The following PTPRT variants were observed in gnomAD, a reference collection of about 807,000 sequenced individuals.
PTPRT encodes the protein protein tyrosine phosphatase receptor type T, also known as receptor-type tyrosine-protein phosphatase T.
PTPRT carries 56 observed loss-of-function variants against 176.8 expected under a neutral mutation model. The ratio of observed to expected loss-of-function variants is 0.32; its 90% CI spans 0.26 to 0.40. PTPRT has a LOEUF of 0.40. Ranked by LOEUF, PTPRT falls within the 10% of genes least tolerant of loss-of-function variation. PTPRT has a pLI of 1.00. For synonymous variants in PTPRT, 783 were observed against 739.0 expected, an observed-to-expected ratio of 1.06 and a Z score of -0.96; for missense variants, 1,540 against 1,908.2, an observed-to-expected ratio of 0.81 and a Z score of 3.60.
intron 2 of PTPRT, among the ~76,000 whole-genome samples, chr20:42,860,070 C>T (rs2078635556): frequency 6.6e-6 from 1 of 152,134 alleles, no homozygotes; most frequent in Non-Finnish European, 1.5e-5. Flanking sequence ...AACTGAAATG[C>T]ACTGCATTTA....
At chr20:42,361,494 G>A (rs1249226248) in intron 9 of PTPRT, among the ~76,000 whole-genome samples, 5 of 152,106 alleles carry the variant, frequency 3.3e-5, no homozygotes, top group Non-Finnish European at 5.9e-5. Flanking sequence ...TCTAAGATTA[G>A]GTCATGAAGG....
intron 1 of PTPRT, among the ~76,000 whole-genome samples, chr20:43,124,585 A>G (rs1337065956): frequency 6.6e-6 from 1 of 152,234 alleles, no homozygotes; most frequent in Non-Finnish European, 1.5e-5. Flanking sequence ...TCACCTGCAC[A>G]TAAAACCTCA....
At chr20:42,338,409 T>C (rs1012927847) in intron 11 of PTPRT, among the ~76,000 whole-genome samples, 16 of 152,332 alleles carry the variant, frequency 1.1e-4, no homozygotes, top group African/African-American at 2.2e-4. Flanking sequence ...ATGGCTGTTG[T>C]AGACCATGTG....
chr20:42,440,474 T>C (rs866127625), intron 9 of PTPRT, among the ~76,000 whole-genome samples: 8 of 151,574 alleles, frequency 5.3e-5, no homozygotes, highest in African/African-American at 1.9e-4. Flanking sequence ...ATATTAGTTG[T>C]TTCTTTCTTT....
At chr20:42,333,484 C>G (rs1182786817) in intron 11 of PTPRT, among the ~76,000 whole-genome samples, 1 of 151,934 alleles carries the variant, frequency 6.6e-6, no homozygotes, top group African/African-American at 2.4e-5. Context: ...GGCACAGGTG[C>G]CACCATGCCC....
At chr20:42,250,872 G>A (rs1037343320) in intron 13 of PTPRT, among the ~76,000 whole-genome samples, 1 of 152,158 alleles carries the variant, frequency 6.6e-6, no homozygotes. Context: ...ACAAGCTAAT[G>A]GCAAAACCAA....
At chr20:43,141,877 G>A (rs1454009127) in intron 1 of PTPRT, among the ~76,000 whole-genome samples, 1 of 152,160 alleles carries the variant, frequency 6.6e-6, no homozygotes, top group Non-Finnish European at 1.5e-5. Flanking sequence ...AGTATCCACA[G>A]AACCATTCCA....
intron 7 of PTPRT, among the ~76,000 whole-genome samples, chr20:42,553,578 CT>C (rs1350113404): frequency 6.6e-6 from 1 of 152,100 alleles, no homozygotes; most frequent in African/African-American, 2.4e-5. Context: ...TACATTCTCT[CT>C]CTTGCACTTT....
chr20:42,588,478 A>G lies in PTPRT; in HGVS notation c.1153+89388T>C, dbSNP rs139424499. ...AAAGCAAATAAATCAACCAACCAGA[A>G]AAATGAAATGTGGCTGGTGCAAACT... On this transcript the variant is annotated intron_variant, in intron 7 of 30. Transcript: ENST00000373187. Among the ~76,000 whole-genome samples, 33 of 152,202 alleles carry G rather than the reference A, an allele frequency of 2.2e-4. 1 individual carries two copies. The South Asian group carries it at 5.8e-3, about 27-fold the overall frequency.
chr20:43,038,091 A>G (rs997274074), intron 1 of PTPRT, among the ~76,000 whole-genome samples: 3 of 151,298 alleles, frequency 2.0e-5, no homozygotes, highest in East Asian at 1.9e-4. Context: ...CTTTGCAGTC[A>G]TATGTTTGGC....
intron 7 of PTPRT, among the ~76,000 whole-genome samples, chr20:42,520,841 G>GTAGA (rs57774363): frequency 0.15 from 21,400 of 143,698 alleles, 1,666 homozygotes; most frequent in Admixed American, 0.2. Flanking sequence ...GGGTGTGTGT[G>GTAGA]TAGATAGATA....
At chr20:42,713,040 C>T (rs533607540) in intron 6 of PTPRT, among the ~76,000 whole-genome samples, 2 of 151,934 alleles carry the variant, frequency 1.3e-5, no homozygotes, top group South Asian at 2.1e-4. Flanking sequence ...TTTTGAAATA[C>T]GCTACAATTT....
chr20:42,345,810 A>G (rs1230109208), intron 11 of PTPRT, among the ~76,000 whole-genome samples: 1 of 152,064 alleles, frequency 6.6e-6, no homozygotes, highest in Admixed American at 6.6e-5. Context: ...AAGGAACTAT[A>G]TAGGTCACTG....
At chr20:42,964,991 TA>T (rs1160328774) in intron 1 of PTPRT, among the ~76,000 whole-genome samples, 1 of 152,230 alleles carries the variant, frequency 6.6e-6, no homozygotes, top group East Asian at 1.9e-4. Flanking sequence ...AGTGATTCTC[TA>T]CCTACTAAAT....
At chr20:42,662,468 G>A (rs900960134) in intron 7 of PTPRT, among the ~76,000 whole-genome samples, 1 of 152,140 alleles carries the variant, frequency 6.6e-6, no homozygotes, top group Non-Finnish European at 1.5e-5. Context: ...GGTAGTAATG[G>A]TCATGATAAA....
At chr20:42,110,595 G>T in intron 22 of PTPRT, 108 bp from the exon 23 acceptor site, 1 of 1,215,172 alleles carries the variant, frequency 8.2e-7, no homozygotes, top group Admixed American at 2.6e-5. Flanking sequence ...GCAGGGACAG[G>T]GCCCTCACAG....
Position 43,110,318 on chromosome 20 carries a change from G to A in PTPRT, c.88+79328C>T, listed in dbSNP as rs567746021. 2.0e-4 allele frequency among the ~76,000 whole-genome samples: 30 copies of A among 152,322 alleles called. No individual in the cohort carries two copies. The South Asian group carries it at 5.8e-3, about 29-fold the overall frequency. On this transcript the variant is annotated intron_variant, in intron 1 of 30. Transcript: ENST00000373187. ...TCCATTCATGAGGGATCACCCATAA[G>A]TTCCCGATGACCCAACACCTCAGAA... is the stretch of plus-strand genomic sequence containing the variant.
At chr20:42,421,970 A>G (rs2059122403) in intron 9 of PTPRT, among the ~76,000 whole-genome samples, 1 of 152,242 alleles carries the variant, frequency 6.6e-6, no homozygotes, top group African/African-American at 2.4e-5. Flanking sequence ...TCCCTATTCA[A>G]TAAATGGTGC....
chr20:42,114,296 T>C (rs1281370769), intron 22 of PTPRT, among the ~76,000 whole-genome samples: 2 of 152,208 alleles, frequency 1.3e-5, no homozygotes, highest in African/African-American at 4.8e-5. Flanking sequence ...AAAATGGGGA[T>C]AATAATAGTG....
Sources: allele counts gnomAD v4.1 joint callset (sites outside exome capture counted in the v4.1 genomes callset), GRCh38; gene constraint gnomAD v4.1.1; transcripts MANE v1.5; gene names NCBI Gene and HGNC (gene_info 2026-07-23, HGNC 2026-07-21).